Variants in MAST2 observed in about 807,000 individuals in gnomAD.
MAST2 encodes the protein microtubule-associated serine/threonine-protein kinase 2.
In MAST2, 70 loss-of-function variants were observed where a neutral mutation model predicts 147.4. The ratio of observed to expected loss-of-function variants is 0.47; its 90% confidence interval spans 0.39 to 0.58. The LOEUF is 0.58. MAST2 is among the 20% of genes least tolerant of loss of function. The pLI is 0.00. For missense variants in MAST2, 2,080 were observed against 2,302.3 expected (o/e 0.90, Z 1.98); for synonymous variants, 869 against 896.8 (o/e 0.97, Z 0.55).
At chr1:45,807,113 G>A (rs1275000691) in intron 1 of MAST2, among the ~76,000 whole-genome samples, 3 of 152,218 alleles carry the variant, frequency 2.0e-5, no homozygotes, top group Admixed American at 2.0e-4. Flanking sequence ...TACTAAATCT[G>A]ATAGTCTTTT....
rs1199729078 is a variant in MAST2, at chr1:46,007,130, G to A, written c.902+735G>A. On this transcript the variant is annotated intron_variant, in intron 8 of 28. Coordinates refer to ENST00000361297, the MANE Select transcript of MAST2 (RefSeq NM_015112.3). ...GTGCCAGAATTTTAGGTTAAGGAAG[G>A]TGATGGAGATTAAAATGAACATGAC... Among the ~76,000 whole-genome samples the A allele has an allele frequency of 2.0e-5, 3 of 152,208 alleles. No individual in the cohort carries two copies. The East Asian group carries it at 5.8e-4, about 29-fold the overall frequency.
intron 10 of MAST2, among the ~76,000 whole-genome samples, chr1:46,011,977 C>A (rs1412383892): frequency 6.6e-6 from 1 of 152,166 alleles, no homozygotes; most frequent in Admixed American, 6.5e-5. Context: ...GCAGAAGTTA[C>A]AGTGAGAAAG....
At position 46,022,132 on chromosome 1, in the gene MAST2, G is replaced by C. The variant is rs768736916; in HGVS notation, c.1423+50G>C. The C allele has an allele frequency of 1.9e-6, 3 of 1,606,126 alleles. No homozygotes were observed. The East Asian group carries it at 6.7e-5, about 36-fold the overall frequency. ...AAAGAGGCCCCACTGCTGCTGGCAA[G>C]CTCTAACAGCAGGGAAGCTGCTTGG... On this transcript the variant is annotated intron_variant, in intron 12 of 28. Transcript: ENST00000361297.
rs1447210643 is a variant in MAST2, at chr1:45,954,786, T to C, written c.501-4600T>C. ...CTGTTAAAGATTTGCCAAGTGAGAT[T>C]ATGTGTACCTTTATAAAAAGGCATG... is the stretch of plus-strand genomic sequence containing the variant. On this transcript the variant is annotated intron_variant, in intron 4 of 28. Transcript: ENST00000361297. Among the ~76,000 whole-genome samples, 5 of 152,202 alleles carry C rather than the reference T, an allele frequency of 3.3e-5. No homozygotes were observed. In the East Asian group the frequency reaches 7.7e-4, roughly 23 times the overall value.
intron 3 of MAST2, chr1:45,847,544 T>C (rs991040741): frequency 2.4e-6 from 2 of 827,444 alleles, no homozygotes; most frequent in Non-Finnish European, 3.8e-6. Flanking sequence ...GAGCTGCTTT[T>C]CTACTATATG....
chr1:45,889,107 CCTAA>C (rs1647270812), intron 4 of MAST2, among the ~76,000 whole-genome samples: 2 of 152,292 alleles, frequency 1.3e-5, no homozygotes, highest in East Asian at 3.9e-4. Flanking sequence ...CCTCAGTCTA[CCTAA>C]CTATCATACA....
At chr1:45,889,122 A>G (rs747204938) in intron 4 of MAST2, among the ~76,000 whole-genome samples, 5 of 152,164 alleles carry the variant, frequency 3.3e-5, no homozygotes, top group African/African-American at 4.8e-5. Flanking sequence ...CTATCATACA[A>G]TAGCCAGGAA....
At chr1:45,845,006 A>G (rs1304621303) in intron 3 of MAST2, among the ~76,000 whole-genome samples, 1 of 152,182 alleles carries the variant, frequency 6.6e-6, no homozygotes, top group Non-Finnish European at 1.5e-5. Context: ...AGTGACATTA[A>G]TCCATTCATG....
At chr1:46,019,251 C>A (rs1479080003) in intron 10 of MAST2, among the ~76,000 whole-genome samples, 1 of 152,096 alleles carries the variant, frequency 6.6e-6, no homozygotes, top group East Asian at 1.9e-4. Context: ...TCTTTCTACT[C>A]CTTACAGTCT....
intron 3 of MAST2, among the ~76,000 whole-genome samples, chr1:45,876,592 T>A (rs943611411): frequency 6.6e-6 from 1 of 152,232 alleles, no homozygotes; most frequent in Non-Finnish European, 1.5e-5. Context: ...GGAGTACTCT[T>A]GCCTCAGCCA....
At chr1:45,922,498 G>C (rs1010217407) in intron 4 of MAST2, among the ~76,000 whole-genome samples, 7 of 152,236 alleles carry the variant, frequency 4.6e-5, no homozygotes, top group African/African-American at 1.7e-4. Flanking sequence ...AAAGTGGCAA[G>C]GGGGTTGGCA....
intron 4 of MAST2, among the ~76,000 whole-genome samples, chr1:45,900,173 CAAAAAAAA>C (rs59051138): frequency 7.4e-5 from 4 of 54,106 alleles, no homozygotes; most frequent in Middle Eastern, 0.011. Flanking sequence ...CTCTCTCTCT[CAAAAAAAA>C]AAAAAAAAAA....
chr1:45,818,864 A>G (rs1454914338), intron 1 of MAST2, among the ~76,000 whole-genome samples: 2 of 152,248 alleles, frequency 1.3e-5, no homozygotes, highest in African/African-American at 4.8e-5. Context: ...TCATTCCCAT[A>G]GTCTAAAACA....
chr1:45,932,023 T>C (rs932100932), intron 4 of MAST2, among the ~76,000 whole-genome samples: 6 of 152,216 alleles, frequency 3.9e-5, no homozygotes, highest in Non-Finnish European at 5.9e-5. Context: ...TCCTGTTAGG[T>C]GATACAGGCT....
At position 46,023,261 on chromosome 1, in the gene MAST2, A is replaced by G. The variant is rs1056019537; in HGVS notation, c.1514A>G (p.Lys505Arg). The change falls in exon 14 of 29, where the codon AAG (lysine) becomes AGG (arginine). Residue 505 changes from lysine (K) to arginine (R), a missense_variant. Physicochemically the swap from Lys to Arg is conservative, Grantham distance 26 (BLOSUM62 2). Around this residue, in one of 4 missense-constraint regions of MAST2, gnomAD observed 569 missense variants for 642.5 expected, o/e 0.89. Coordinates refer to ENST00000361297, the MANE Select transcript of MAST2 (RefSeq NM_015112.3). The surrounding 1 kb of genome is among the most constrained non-coding windows in gnomAD (Gnocchi z 4.9). Reference protein sequence around the residue: ...EGHGASLPSKKTPSEEDFETI... With the variant: ...EGHGASLPSKRTPSEEDFETI... ...CATGGGGCATCTCTGCCATCTAAAA[A>G]GACACCCTCTGAAGAGGACTTCGAG... is the stretch of plus-strand genomic sequence containing the variant. 8 of 1,614,176 alleles carry G rather than the reference A, an allele frequency of 5.0e-6. No homozygotes were observed. The South Asian group carries it at 8.8e-5, about 18-fold the overall frequency.
intron 4 of MAST2, chr1:45,913,846 A>G (rs4256763): frequency 0.75 from 924,054 of 1,227,858 alleles, 349,758 homozygotes; most frequent in East Asian, 0.98. Context: ...AAACGGAGGC[A>G]AGAGAGACTG....
intron 6 of MAST2, among the ~76,000 whole-genome samples, chr1:46,000,292 C>T (rs1317078478): frequency 5.3e-5 from 8 of 151,986 alleles, no homozygotes; most frequent in African/African-American, 1.5e-4. Context: ...CCAGCCTGGG[C>T]GACAGAGCAA....
chr1:46,015,599 C>G (rs1557480749), intron 10 of MAST2, among the ~76,000 whole-genome samples: 1 of 152,160 alleles, frequency 6.6e-6, no homozygotes, highest in Non-Finnish European at 1.5e-5. Context: ...TTCCTCGACA[C>G]ATACACCCTC....
chr1:45,963,742 A>G (rs959259511), intron 5 of MAST2, among the ~76,000 whole-genome samples: 3 of 152,144 alleles, frequency 2.0e-5, no homozygotes, highest in Non-Finnish European at 4.4e-5. Context: ...TCCTAATTGA[A>G]TATCCTTTAT....
Sources: gnomAD v4.1 joint callset for allele counts (sites outside exome capture counted in the v4.1 genomes callset) on GRCh38, gnomAD v4.1.1 for gene constraint, gnomAD v4.1.1 regional missense constraint, Gnocchi (gnomAD v3.1) non-coding constraint, MANE v1.5 for transcripts, NCBI Gene and HGNC (gene_info 2026-07-23, HGNC 2026-07-21) for gene names.